Variants in COL11A1 observed in about 807,000 individuals in gnomAD.
COL11A1 encodes the protein collagen alpha-1(XI) chain.
COL11A1 carries 74 observed loss-of-function variants against 265.2 expected under a neutral mutation model. That is an observed-to-expected ratio of 0.28 (90% confidence interval 0.23 to 0.34). The LOEUF is 0.34. Ranked by LOEUF, COL11A1 falls within the 10% of genes least tolerant of loss-of-function variation. The pLI, the probability that COL11A1 is intolerant of heterozygous loss-of-function variation, is 1.00. For synonymous variants in COL11A1, 816 were observed against 727.6 expected, an observed-to-expected ratio of 1.12 and a Z score of -1.96; for missense variants, 2,165 against 2,263.6, an observed-to-expected ratio of 0.96 and a Z score of 0.88.
intron 5 of COL11A1, among the ~76,000 whole-genome samples, chr1:103,030,267 T>C (rs1439052399): frequency 6.6e-6 from 1 of 152,028 alleles, no homozygotes; most frequent in Non-Finnish European, 1.5e-5. Context: ...CATTAAGTCA[T>C]GGAAAATATC....
At chr1:103,078,014 C>T (rs1672110545) in intron 3 of COL11A1, among the ~76,000 whole-genome samples, 1 of 152,072 alleles carries the variant, frequency 6.6e-6, no homozygotes, top group Non-Finnish European at 1.5e-5. Context: ...ATAATGCTTC[C>T]TCTGATCTCC....
chr1:103,066,426 TA>T (rs1418851726), intron 4 of COL11A1, among the ~76,000 whole-genome samples: 1 of 151,560 alleles, frequency 6.6e-6, no homozygotes, highest in Admixed American at 6.6e-5. Context: ...TAGCAAGAAA[TA>T]TATCATAACA....
chr1:103,017,976 T>A, intron 10 of COL11A1, 94 bp from the exon 11 acceptor site: 1 of 1,033,250 alleles, frequency 9.7e-7, no homozygotes, highest in Non-Finnish European at 1.5e-6. Context: ...TCGTTTATAT[T>A]TTATAAATAT....
At chr1:102,890,575 G>T (rs370365796) in intron 57 of COL11A1, 71 bp from the exon 58 acceptor site, 2 of 1,268,568 alleles carry the variant, frequency 1.6e-6, no homozygotes, top group East Asian at 2.4e-5. Flanking sequence ...CCTATAACTA[G>T]TCACAGACCT....
chr1:102,927,489 G>T (rs1656738841), intron 46 of COL11A1, among the ~76,000 whole-genome samples: 2 of 152,122 alleles, frequency 1.3e-5, no homozygotes, highest in Non-Finnish European at 2.9e-5. Flanking sequence ...GGCTGAGGTG[G>T]GCGGATCACG....
intron 54 of COL11A1, among the ~76,000 whole-genome samples, chr1:102,900,295 A>G (rs775083591): frequency 3.3e-5 from 5 of 152,106 alleles, no homozygotes; most frequent in African/African-American, 9.7e-5. Context: ...ACTTCAAAGG[A>G]CATCTTTCAA....
rs779206095 is a variant in COL11A1 at position 103,001,915 on chromosome 1, A to T, written c.2142+10T>A. The T allele has an allele frequency of 6.2e-7, 1 of 1,612,912 alleles. No individual in the cohort carries two copies. Among genetic ancestry groups the T allele is most frequent in the East Asian group, 2.2e-5 (1 of 44,846 alleles). ...TCACCAGGCTTTACGAGAACAACAG[A>T]GTAACTTACTTTTTCACCAGGAGGA... is the stretch of plus-strand genomic sequence containing the variant. On this transcript the variant is annotated intron_variant, in intron 24 of 66. Coordinates refer to ENST00000370096, the MANE Select transcript of COL11A1 (RefSeq NM_001854.4).
At chr1:103,107,311 C>G (rs1243013244) in intron 1 of COL11A1, among the ~76,000 whole-genome samples, 3 of 151,862 alleles carry the variant, frequency 2.0e-5, no homozygotes, top group Non-Finnish European at 4.4e-5. Context: ...GTCCTCCGCC[C>G]CCACCCCATT....
chr1:103,096,831 A>G (rs1673809533), intron 1 of COL11A1, among the ~76,000 whole-genome samples: 1 of 152,042 alleles, frequency 6.6e-6, no homozygotes. Flanking sequence ...TTGTTCTAAA[A>G]GCTGATATAC....
chr1:103,085,606 T>G (rs764308599), intron 1 of COL11A1, among the ~76,000 whole-genome samples: 1 of 152,208 alleles, frequency 6.6e-6, no homozygotes, highest in Non-Finnish European at 1.5e-5. Context: ...TTGACTTATA[T>G]TCTATTGGCT....
chr1:102,880,206 A>C (rs1349247056), intron 65 of COL11A1, among the ~76,000 whole-genome samples: 3 of 152,200 alleles, frequency 2.0e-5, no homozygotes, highest in Non-Finnish European at 2.9e-5. Context: ...AAAATGCTTT[A>C]GTTTCCAAGA....
chr1:103,010,850 G>T (rs1368406145), intron 14 of COL11A1, among the ~76,000 whole-genome samples: 2 of 151,928 alleles, frequency 1.3e-5, no homozygotes, highest in African/African-American at 4.8e-5. Flanking sequence ...ACAGGCATGT[G>T]CCACCACACC....
intron 4 of COL11A1, among the ~76,000 whole-genome samples, chr1:103,055,754 A>C (rs1670195020): frequency 6.6e-6 from 1 of 152,212 alleles, no homozygotes; most frequent in Non-Finnish European, 1.5e-5. Flanking sequence ...AGTGTATTTT[A>C]TGTGTGCCCC....
rs930695445 is a variant in COL11A1 at position 102,967,525 on chromosome 1, C to A, written c.2863-1985G>T. 2.0e-5 allele frequency among the ~76,000 whole-genome samples: 3 copies of A among 152,174 alleles called. No homozygotes were observed. In the South Asian group the frequency reaches 6.2e-4, roughly 32 times the overall value. ...AAAGTGCTGGGATTACAGGCGTGAG[C>A]CACCACGCCCAGCCAATAAATTCAT... is the stretch of plus-strand genomic sequence containing the variant. On this transcript the variant is annotated intron_variant, in intron 37 of 66. Transcript: ENST00000370096.
At chr1:103,100,846 C>T (rs1371194659) in intron 1 of COL11A1, 2 of 151,898 alleles carry the variant, frequency 1.3e-5, no homozygotes, top group Non-Finnish European at 1.5e-5. Context: ...TTTCACTTCT[C>T]TGTTTTTCAG....
chr1:103,050,500 G>A (rs1329770652), intron 4 of COL11A1, among the ~76,000 whole-genome samples: 7 of 151,960 alleles, frequency 4.6e-5, no homozygotes, highest in African/African-American at 9.7e-5. Context: ...TTATCCATTC[G>A]TCTAATTTTT....
At chr1:103,013,276 A>G (rs1666276253) in intron 13 of COL11A1, among the ~76,000 whole-genome samples, 1 of 152,004 alleles carries the variant, frequency 6.6e-6, no homozygotes, top group South Asian at 2.1e-4. Context: ...ATCACTACTG[A>G]CTCACCATGA....
chr1:102,966,836 C>T (rs997665729), intron 37 of COL11A1, among the ~76,000 whole-genome samples: 4 of 152,126 alleles, frequency 2.6e-5, no homozygotes, highest in African/African-American at 9.7e-5. Flanking sequence ...ATTTATAAAC[C>T]TCTAATCAGT....
intron 2 of COL11A1, among the ~76,000 whole-genome samples, chr1:103,081,273 T>G (rs1455284423): frequency 1.3e-5 from 2 of 151,890 alleles, no homozygotes; most frequent in Non-Finnish European, 2.9e-5. Context: ...AATTGTAACC[T>G]GTAATCTGAG....
Sources: allele counts gnomAD v4.1 joint callset (sites outside exome capture counted in the v4.1 genomes callset), GRCh38; gene constraint gnomAD v4.1.1; transcripts MANE v1.5; gene names NCBI Gene and HGNC (gene_info 2026-07-23, HGNC 2026-07-21).